RYR2: variants seen among roughly 807,000 people sequenced by gnomAD.
The protein encoded by RYR2 is ryanodine receptor 2, also known as cardiac muscle ryanodine receptor-calcium release channel.
Under a neutral mutation model 601.1 loss-of-function variants are expected in RYR2, and 227 were observed. The observed-to-expected ratio is 0.38, with a 90% CI of 0.34 to 0.42. RYR2 has a LOEUF of 0.42. Among genes scored for constraint, RYR2 ranks in the 10% least tolerant of loss-of-function variants. RYR2 has a pLI of 1.00. For synonymous variants in RYR2, 2,223 were observed against 2,175.1 expected (o/e 1.02, Z -0.61); for missense variants, 4,646 against 6,156.5 (o/e 0.75, Z 8.21).
intron 12 of RYR2, among the ~76,000 whole-genome samples, chr1:237,426,510 C>G (rs539462081): frequency 6.6e-6 from 1 of 151,990 alleles, no homozygotes; most frequent in Non-Finnish European, 1.5e-5. Context: ...CACCTCCGTC[C>G]AGAAAGAAAA....
intron 1 of RYR2, among the ~76,000 whole-genome samples, chr1:237,225,411 A>G (rs950838512): frequency 2.6e-5 from 4 of 152,184 alleles, no homozygotes; most frequent in South Asian, 2.1e-4. Flanking sequence ...CACGTCTTAC[A>G]TGGCGGCAGA....
At chr1:237,522,148 G>C (rs1243802897) in intron 24 of RYR2, among the ~76,000 whole-genome samples, 1 of 152,048 alleles carries the variant, frequency 6.6e-6, no homozygotes, top group Non-Finnish European at 1.5e-5. Context: ...AGGCCCCAGG[G>C]TGTGATGTGG....
chr1:237,094,066 C>T (rs6428991), intron 1 of RYR2, among the ~76,000 whole-genome samples: 69,121 of 152,010 alleles, frequency 0.45, 16,023 homozygotes, highest in South Asian at 0.61. Flanking sequence ...GTGGGGCAGG[C>T]GAGCTGGCCT....
chr1:237,261,398 G>C (rs1353046922), intron 1 of RYR2, among the ~76,000 whole-genome samples: 1 of 152,104 alleles, frequency 6.6e-6, no homozygotes, highest in Non-Finnish European at 1.5e-5. Context: ...CATTATCTCT[G>C]ACCTCATCTC....
intron 1 of RYR2, among the ~76,000 whole-genome samples, chr1:237,053,617 T>C (rs999239815): frequency 5.9e-5 from 9 of 152,240 alleles, no homozygotes; most frequent in South Asian, 2.1e-4. Context: ...TTCTCCTTCA[T>C]TCTGAAATGT....
At chr1:237,572,659 C>A (rs1672820942) in intron 29 of RYR2, among the ~76,000 whole-genome samples, 1 of 152,030 alleles carries the variant, frequency 6.6e-6, no homozygotes, top group South Asian at 2.1e-4. Flanking sequence ...GGTTGCTGGG[C>A]TTTTATTAGA....
At chr1:237,760,926 A>G in intron 83 of RYR2, 29 bp from the exon 84 acceptor site, 1 of 1,448,866 alleles carries the variant, frequency 6.9e-7, no homozygotes, top group East Asian at 2.5e-5. Context: ...TTAGTCCTCT[A>G]AATGTTTTTT....
Position 237,733,775 on chromosome 1 carries a change from T to A in RYR2, c.11091+19T>A. On this transcript the variant is annotated intron_variant, in intron 79 of 104. Coordinates refer to ENST00000366574, the MANE Select transcript of RYR2 (RefSeq NM_001035.3). ...GGCAAAGGTAAATAAGTATCCTTCC[T>A]GATTTTCATGTTTAATTTTAATAAA... The A allele has an allele frequency of 6.7e-7, 1 of 1,499,560 alleles. No homozygotes were observed. The highest frequency in any genetic ancestry group is 9.3e-7 in the Non-Finnish European group (1 of 1,077,666). 92.9% of individuals were successfully genotyped at this position (1,499,560 alleles called of 1,614,324 possible).
At chr1:237,790,595 T>C (rs1164762357) in intron 92 of RYR2, among the ~76,000 whole-genome samples, 1 of 152,188 alleles carries the variant, frequency 6.6e-6, no homozygotes, top group Non-Finnish European at 1.5e-5. Context: ...ACATTTATTA[T>C]AGATAATCAA....
intron 17 of RYR2, among the ~76,000 whole-genome samples, chr1:237,469,470 A>T (rs1660472440): frequency 1.3e-5 from 2 of 152,042 alleles, no homozygotes; most frequent in South Asian, 4.1e-4. Context: ...GTGTAATATA[A>T]GTGTTTTCCT....
At position 237,654,314 on chromosome 1, in the gene RYR2, G is replaced by C; in HGVS notation, c.7865G>C (p.Cys2622Ser). 1.2e-6 allele frequency: 2 copies of C among 1,613,920 alleles called. No homozygotes were observed. Among genetic ancestry groups the C allele is most frequent in the Non-Finnish European group, 1.7e-6 (2 of 1,179,862 alleles). The change falls in exon 52 of 105, where the codon TGC becomes TCC. Residue 2622 changes from cysteine (C) to serine (S), a missense_variant. Around this residue, in one of 17 missense-constraint regions of RYR2, gnomAD observed 1,497 missense variants for 1,842.6 expected, o/e 0.81. Transcript: ENST00000366574. ...NHYERCWKYY[C>S]LPGGWGNFGA... ...TATGAAAGATGCTGGAAATATTACT[G>C]CCTGCCTGGAGGGTGGGGAAACTTT...
intron 34 of RYR2, among the ~76,000 whole-genome samples, chr1:237,601,804 C>T (rs1470457151): frequency 6.6e-6 from 1 of 152,104 alleles, no homozygotes; most frequent in Non-Finnish European, 1.5e-5. Context: ...TAAATAATGA[C>T]AATGCCTTAA....
At chr1:237,644,454 G>A (rs1227080841) in intron 48 of RYR2, among the ~76,000 whole-genome samples, 1 of 151,430 alleles carries the variant, frequency 6.6e-6, no homozygotes, top group Admixed American at 6.6e-5. Context: ...GGATGGTCTC[G>A]ACCTCCTGAC....
intron 42 of RYR2, among the ~76,000 whole-genome samples, chr1:237,632,526 C>T (rs1352948185): frequency 1.3e-5 from 2 of 151,582 alleles, no homozygotes; most frequent in Non-Finnish European, 2.9e-5. Context: ...TGCCGAGTGG[C>T]TGGGACTACA....
chr1:237,802,498 C>T (rs1660091306), intron 98 of RYR2: 1 of 152,174 alleles, frequency 6.6e-6, no homozygotes, highest in African/African-American at 2.4e-5. Context: ...CATTTGATAG[C>T]CCCCAAATTC....
chr1:237,678,667 T>C (rs1277985852), intron 61 of RYR2, among the ~76,000 whole-genome samples: 1 of 152,210 alleles, frequency 6.6e-6, no homozygotes, highest in Non-Finnish European at 1.5e-5. Context: ...AATTCATCAC[T>C]TTTTTCAGCC....
At chr1:237,683,926 TTTCTTCTTC>T (rs10675165) in intron 62 of RYR2, among the ~76,000 whole-genome samples, 2 of 149,992 alleles carry the variant, frequency 1.3e-5, no homozygotes, top group East Asian at 4.0e-4. Flanking sequence ...GGTGGGTCTT[TTTCTTCTTC>T]TTCTTCTTTT....
intron 72 of RYR2, 148 bp from the exon 73 acceptor site, chr1:237,718,314 T>A: frequency 2.1e-6 from 1 of 479,806 alleles, no homozygotes; most frequent in Non-Finnish European, 3.8e-6. Context: ...ATTATTTGAA[T>A]GAGAATGCCC....
At chr1:237,064,513 T>C (rs905629397) in intron 1 of RYR2, among the ~76,000 whole-genome samples, 4 of 152,174 alleles carry the variant, frequency 2.6e-5, no homozygotes, top group Non-Finnish European at 4.4e-5. Context: ...AAAAATGGTA[T>C]TTTTAAATGT....
Sources: allele counts gnomAD v4.1 joint callset (sites outside exome capture counted in the v4.1 genomes callset), GRCh38; gene constraint gnomAD v4.1.1; regional missense constraint gnomAD v4.1.1; transcripts MANE v1.5; gene names NCBI Gene and HGNC (gene_info 2026-07-23, HGNC 2026-07-21).